The following GPHN variants were observed in gnomAD, a reference collection of about 807,000 sequenced individuals.
The protein encoded by GPHN is gephyrin.
Under a neutral mutation model 95.5 loss-of-function variants are expected in GPHN, and 17 were observed. That is an observed-to-expected ratio of 0.18 (90% confidence interval 0.12 to 0.27). GPHN has a LOEUF of 0.27. GPHN is among the 10% of genes least tolerant of loss of function. The probability of loss-of-function intolerance (pLI) is 1.00; values close to 1 mark genes in which losing one functional copy is unlikely to be tolerated. For synonymous variants in GPHN, 320 were observed against 322.5 expected, an observed-to-expected ratio of 0.99 and a Z score of 0.08; for missense variants, 660 against 978.1, an observed-to-expected ratio of 0.67 and a Z score of 4.34.
rs758501355 is a variant in GPHN at position 66,508,598 on chromosome 14, G to T, written c.64+7G>T. On this transcript the variant is annotated splice_region_variant and intron_variant, in intron 1 of 22. Transcript: ENST00000478722. ...CGTGTCGGAGTCCTTACAGGTAACC[G>T]GGGGAGGAGGTCTGGGACCTATGAG... is the stretch of plus-strand genomic sequence containing the variant. 2 of 1,610,206 alleles carry T rather than the reference G, an allele frequency of 1.2e-6. No individual in the cohort carries two copies. The highest frequency in any genetic ancestry group is 1.3e-5 in the African/African-American group (1 of 74,864).
chr14:67,314,084 C>T, the GPHN span, among the ~76,000 whole-genome samples: 5 of 151,828 alleles, frequency 3.3e-5, 1 homozygote, highest in Admixed American at 1.3e-4. Flanking sequence ...CCTTTTTTAG[C>T]GATCATCCCT....
the GPHN span, among the ~76,000 whole-genome samples, chr14:67,255,464 TA>T: frequency 6.6e-6 from 1 of 152,328 alleles, no homozygotes; most frequent in Non-Finnish European, 1.5e-5. Context: ...TCTTACATTT[TA>T]AAATTAAAAA....
intron 9 of GPHN, among the ~76,000 whole-genome samples, chr14:66,993,901 C>T (rs980442198): frequency 2.6e-5 from 4 of 151,926 alleles, no homozygotes; most frequent in South Asian, 2.1e-4. Flanking sequence ...ATCTGAGTAT[C>T]TTGGTAGATG....
rs35170352 is a variant in GPHN, at chr14:66,880,350, T to TTTG, written c.389+345_389+347dup. Among the ~76,000 whole-genome samples, 800 of 150,458 alleles carry TTTG rather than the reference T, an allele frequency of 5.3e-3. 5 individuals carry two copies. The highest frequency in any genetic ancestry group is 0.014 in the African/African-American group (551 of 40,696). On this transcript the variant is annotated intron_variant, in intron 5 of 22. Coordinates refer to ENST00000478722, the MANE Select transcript of GPHN (RefSeq NM_020806.5). ...CCACAATTTTCCCACTTCACTTCTT[T>TTTG]TTGTTGTTGTTGTTGTTGTTGTTGT... is the stretch of plus-strand genomic sequence containing the variant.
intron 3 of GPHN, among the ~76,000 whole-genome samples, chr14:66,814,219 C>T (rs1270084868): frequency 2.0e-5 from 3 of 151,976 alleles, no homozygotes; most frequent in Non-Finnish European, 4.4e-5. Context: ...TCATCCCACA[C>T]CCTGAACAAT....
chr14:66,798,968 T>C (rs905164048), intron 3 of GPHN, among the ~76,000 whole-genome samples: 1 of 151,986 alleles, frequency 6.6e-6, no homozygotes, highest in Non-Finnish European at 1.5e-5. Context: ...AACTTCCCTC[T>C]TAGTACTGCT....
intron 18 of GPHN, among the ~76,000 whole-genome samples, chr14:67,148,056 A>G (rs1340968386): frequency 6.6e-6 from 1 of 152,226 alleles, no homozygotes. Flanking sequence ...TTATTAAAAA[A>G]GAATGGGGCA....
chr14:66,965,862 G>T (rs1459916700), intron 9 of GPHN, among the ~76,000 whole-genome samples: 1 of 143,264 alleles, frequency 7.0e-6, no homozygotes, highest in African/African-American at 2.9e-5. Flanking sequence ...TTTGGGAAGA[G>T]GGTAGAAGTT....
chr14:66,887,400 T>A (rs2064249803), intron 5 of GPHN, among the ~76,000 whole-genome samples: 1 of 152,100 alleles, frequency 6.6e-6, no homozygotes, highest in Admixed American at 6.5e-5. Context: ...CCATCCTGGC[T>A]AACACAGTGA....
At chr14:66,727,447 G>A (rs1194815177) in intron 2 of GPHN, among the ~76,000 whole-genome samples, 1 of 152,272 alleles carries the variant, frequency 6.6e-6, no homozygotes, top group East Asian at 1.9e-4. Context: ...AAGAAGACAG[G>A]AAAATGTGGG....
At chr14:67,106,441 G>T (rs752250369) in intron 13 of GPHN, among the ~76,000 whole-genome samples, 5 of 151,844 alleles carry the variant, frequency 3.3e-5, no homozygotes, top group Admixed American at 2.0e-4. Flanking sequence ...ATGAATATTT[G>T]TTCTTGTATG....
chr14:66,861,181 A>G (rs1457404320), intron 4 of GPHN, among the ~76,000 whole-genome samples: 2 of 152,114 alleles, frequency 1.3e-5, no homozygotes, highest in Non-Finnish European at 2.9e-5. Flanking sequence ...GAAAATAAAA[A>G]GATGGAAAAA....
At chr14:66,594,880 TG>T (rs551818940) in intron 1 of GPHN, among the ~76,000 whole-genome samples, 49 of 151,930 alleles carry the variant, frequency 3.2e-4, no homozygotes, top group Admixed American at 9.8e-4. Context: ...AGAAAACCTG[TG>T]GAAAAGGAGA....
intron 1 of GPHN, among the ~76,000 whole-genome samples, chr14:66,674,103 CTT>C (rs370219778): frequency 2.8e-5 from 4 of 143,384 alleles, no homozygotes; most frequent in Admixed American, 6.9e-5. Flanking sequence ...TTTTTCTTTT[CTT>C]TTTTTTTTTT....
intron 1 of GPHN, among the ~76,000 whole-genome samples, chr14:66,593,219 G>A (rs2061831984): frequency 6.6e-6 from 1 of 151,584 alleles, no homozygotes; most frequent in Admixed American, 6.6e-5. Flanking sequence ...GATGGGTGCA[G>A]CAAACCACCA....
At chr14:66,539,464 G>A (rs1029527419) in intron 1 of GPHN, among the ~76,000 whole-genome samples, 1 of 142,204 alleles carries the variant, frequency 7.0e-6, no homozygotes, top group African/African-American at 2.7e-5. Flanking sequence ...GCCCAGGCTG[G>A]AGTGCAATGG....
the GPHN span, among the ~76,000 whole-genome samples, chr14:67,658,389 T>C: frequency 6.6e-6 from 1 of 151,842 alleles, no homozygotes; most frequent in Non-Finnish European, 1.5e-5. Flanking sequence ...GGTCAGGAGA[T>C]GGAGATCATC....
chr14:66,547,870 G>C (rs1012272289), intron 1 of GPHN, among the ~76,000 whole-genome samples: 1 of 152,104 alleles, frequency 6.6e-6, no homozygotes, highest in Non-Finnish European at 1.5e-5. Flanking sequence ...TTAAAAATGA[G>C]ATAATAAATA....
intron 8 of GPHN, among the ~76,000 whole-genome samples, chr14:66,957,187 C>CTTTTTTTTTTT (rs1157690518): frequency 2.4e-5 from 2 of 84,830 alleles, no homozygotes; most frequent in Non-Finnish European, 2.1e-5. Flanking sequence ...TTCTTTCTTT[C>CTTTTTTTTTTT]TTTTTTTTTT....
Sources: gnomAD v4.1 joint callset for allele counts (sites outside exome capture counted in the v4.1 genomes callset) on GRCh38, gnomAD v4.1.1 for gene constraint, MANE v1.5 for transcripts, NCBI Gene and HGNC (gene_info 2026-07-23, HGNC 2026-07-21) for gene names.